The following RNF220 variants were observed in gnomAD, a reference collection of about 807,000 sequenced individuals.
RNF220 encodes the protein ring finger protein 220, also known as E3 ubiquitin-protein ligase RNF220.
Under a neutral mutation model 67.1 loss-of-function variants are expected in RNF220, and 7 were observed. That is an observed-to-expected ratio of 0.10 (90% CI 0.06 to 0.20). RNF220 has a LOEUF of 0.20. Among genes scored for constraint, RNF220 ranks in the 10% least tolerant of loss-of-function variants. The probability of loss-of-function intolerance (pLI) is 1.00; values close to 1 mark genes in which losing one functional copy is unlikely to be tolerated. For missense variants in RNF220, 565 were observed against 740.3 expected (o/e 0.76, Z 2.75); for synonymous variants, 270 against 283.2 (o/e 0.95, Z 0.47).
intron 2 of RNF220, among the ~76,000 whole-genome samples, chr1:44,446,124 G>T (rs1652055317): frequency 6.6e-6 from 1 of 152,174 alleles, no homozygotes; most frequent in Admixed American, 6.5e-5. Context: ...AGTATTTGGA[G>T]TAGGAACATA....
chr1:44,580,431 T>C (rs561668538), intron 2 of RNF220, among the ~76,000 whole-genome samples: 1 of 152,326 alleles, frequency 6.6e-6, no homozygotes, highest in East Asian at 1.9e-4. Flanking sequence ...GGGGACATTA[T>C]TGTTGTTTTT....
At chr1:44,564,274 T>A (rs1663811578) in intron 2 of RNF220, among the ~76,000 whole-genome samples, 1 of 152,182 alleles carries the variant, frequency 6.6e-6, no homozygotes, top group South Asian at 2.1e-4. Context: ...ACCGTTGCAA[T>A]CACCTTCTAA....
At chr1:44,576,510 C>T (rs1367697683) in intron 2 of RNF220, among the ~76,000 whole-genome samples, 1 of 152,130 alleles carries the variant, frequency 6.6e-6, no homozygotes, top group Non-Finnish European at 1.5e-5. Context: ...ATTCTAGTGC[C>T]CCCAGCCTAA....
rs185554748 is a variant in RNF220 at position 44,544,801 on chromosome 1, C to G, written c.626-69364C>G. 3.4e-3 allele frequency among the ~76,000 whole-genome samples: 517 copies of G among 152,324 alleles called. 23 individuals are homozygous for G. Among genetic ancestry groups the G allele is most frequent in the Admixed American group, 0.032 (490 of 15,300 alleles). On this transcript the variant is annotated intron_variant, in intron 2 of 14. Coordinates refer to ENST00000361799, the MANE Select transcript of RNF220 (RefSeq NM_018150.4). The stretch of plus-strand genomic sequence containing the variant: ...CTCCATGCCCACTCCACGGCGGATG[C>G]CTGACCAGTGTTCCAAGGACATTTT...
At chr1:44,586,639 T>C (rs1329334515) in intron 2 of RNF220, among the ~76,000 whole-genome samples, 1 of 151,584 alleles carries the variant, frequency 6.6e-6, no homozygotes, top group East Asian at 1.9e-4. Context: ...AGGAAGGAGA[T>C]AGAGGAAGCG....
At chr1:44,631,888 C>G in intron 5 of RNF220, 1 of 985,626 alleles carries the variant, frequency 1.0e-6, no homozygotes, top group Non-Finnish European at 1.2e-6. Flanking sequence ...CAAACGGCAG[C>G]TTCCTGGTCT....
chr1:44,465,915 A>G (rs1654231571), intron 2 of RNF220, among the ~76,000 whole-genome samples: 1 of 151,842 alleles, frequency 6.6e-6, no homozygotes, highest in Non-Finnish European at 1.5e-5. Context: ...ATGGCTGCTG[A>G]CTGATCACGG....
chr1:44,413,083 T>C (rs1203634568), intron 2 of RNF220, among the ~76,000 whole-genome samples: 1 of 152,140 alleles, frequency 6.6e-6, no homozygotes, highest in Non-Finnish European at 1.5e-5. Flanking sequence ...TAAAGAAACA[T>C]GTCCACCCCT....
rs191920619 is a variant in RNF220 at position 44,509,159 on chromosome 1, G to A, written c.625+96437G>A. ...GTGAAAAATCAGGAAGTCTACTCAA[G>A]TGAGCTGAGGCAAAAGAGGTAATAA... On this transcript the variant is annotated intron_variant, in intron 2 of 14. Coordinates refer to ENST00000361799, the MANE Select transcript of RNF220 (RefSeq NM_018150.4). Among the ~76,000 whole-genome samples the A allele has an allele frequency of 1.4e-3, 211 of 152,332 alleles. 1 individual carries two copies. Among genetic ancestry groups the A allele is most frequent in the Non-Finnish European group, 2.6e-3 (174 of 68,026 alleles).
intron 2 of RNF220, among the ~76,000 whole-genome samples, chr1:44,454,653 TG>T (rs1653002283): frequency 1.3e-5 from 2 of 150,520 alleles, no homozygotes; most frequent in South Asian, 4.2e-4. Flanking sequence ...TTTATTTTGG[TG>T]GGTTTTTTTT....
intron 5 of RNF220, among the ~76,000 whole-genome samples, chr1:44,628,566 T>C (rs1277209553): frequency 2.0e-5 from 3 of 152,226 alleles, no homozygotes; most frequent in African/African-American, 7.2e-5. Flanking sequence ...GGTTGTGTCC[T>C]ACAAGATAAA....
At chr1:44,442,881 A>G (rs1340577972) in intron 2 of RNF220, among the ~76,000 whole-genome samples, 2 of 152,128 alleles carry the variant, frequency 1.3e-5, no homozygotes, top group East Asian at 3.9e-4. Context: ...CCCATCTCAG[A>G]TGATAGCACT....
Position 44,501,704 on chromosome 1 carries a change from A to AGCG in RNF220, c.625+88991_625+88993dup, listed in dbSNP as rs575817121. Among the ~76,000 whole-genome samples the AGCG allele has an allele frequency of 1.1e-3, 165 of 152,190 alleles. 1 individual carries two copies. The highest frequency in any genetic ancestry group is 3.9e-3 in the African/African-American group (161 of 41,538). ...CTCCGTTTCTACTCCACCCAAGCAC[A>AGCG]GCGGCGGCGGCAGAGCACTTGTCAG... is the stretch of plus-strand genomic sequence containing the variant. On this transcript the variant is annotated intron_variant, in intron 2 of 14. Coordinates refer to ENST00000361799, the MANE Select transcript of RNF220 (RefSeq NM_018150.4).
intron 2 of RNF220, among the ~76,000 whole-genome samples, chr1:44,557,734 C>T (rs1663230663): frequency 6.6e-6 from 1 of 152,208 alleles, no homozygotes; most frequent in Non-Finnish European, 1.5e-5. Flanking sequence ...CACCTTTATT[C>T]ATCCCAAATG....
At chr1:44,584,326 G>A (rs574376612) in intron 2 of RNF220, among the ~76,000 whole-genome samples, 7 of 152,314 alleles carry the variant, frequency 4.6e-5, no homozygotes, top group Non-Finnish European at 8.8e-5. Context: ...CCTAGCAGCC[G>A]CTAGGAAGGA....
chr1:44,548,172 G>A (rs1662327346), intron 2 of RNF220, among the ~76,000 whole-genome samples: 1 of 151,944 alleles, frequency 6.6e-6, no homozygotes, highest in Non-Finnish European at 1.5e-5. Flanking sequence ...CTTATCTCTA[G>A]CCCCTGCTAC....
chr1:44,453,036 C>A (rs1223734805), intron 2 of RNF220, among the ~76,000 whole-genome samples: 1 of 152,082 alleles, frequency 6.6e-6, no homozygotes, highest in Admixed American at 6.5e-5. Flanking sequence ...TCATATAAAT[C>A]TTGGACATAT....
intron 2 of RNF220, among the ~76,000 whole-genome samples, chr1:44,513,285 C>T (rs761886680): frequency 8.5e-5 from 13 of 152,172 alleles, no homozygotes; most frequent in Non-Finnish European, 1.8e-4. Context: ...AGTGGCAAGG[C>T]CCAGGGTGTG....
intron 2 of RNF220, among the ~76,000 whole-genome samples, chr1:44,484,879 C>T (rs1477663197): frequency 3.3e-5 from 5 of 152,192 alleles, no homozygotes; most frequent in African/African-American, 4.8e-5. Context: ...CACGGTGGCT[C>T]ACGCCTGTAA....
Sources: allele counts gnomAD v4.1 joint callset (sites outside exome capture counted in the v4.1 genomes callset), GRCh38; gene constraint gnomAD v4.1.1; transcripts MANE v1.5; gene names NCBI Gene and HGNC (gene_info 2026-07-23, HGNC 2026-07-21).